The following SSH2 variants were observed in gnomAD, a reference collection of about 807,000 sequenced individuals.
SSH2 encodes the protein slingshot protein phosphatase 2, also known as protein phosphatase Slingshot homolog 2.
Under a neutral mutation model 135.2 loss-of-function variants are expected in SSH2, and 37 were observed. The observed-to-expected ratio is 0.27, with a 90% CI of 0.21 to 0.36. SSH2 has a LOEUF of 0.36. SSH2 is among the 10% of genes least tolerant of loss of function. SSH2 has a pLI of 1.00. For synonymous variants in SSH2, 628 were observed against 646.2 expected (o/e 0.97, Z 0.43); for missense variants, 1,408 against 1,765.3 (o/e 0.80, Z 3.63).
chr17:29,871,472 G>A (rs904748630), intron 1 of SSH2, among the ~76,000 whole-genome samples: 13 of 152,142 alleles, frequency 8.5e-5, no homozygotes, highest in African/African-American at 3.1e-4. Flanking sequence ...AATCTCTCAA[G>A]ACAACAAGAT....
chr17:29,649,695 A>G (rs374201321), intron 13 of SSH2, among the ~76,000 whole-genome samples: 1 of 152,200 alleles, frequency 6.6e-6, no homozygotes, highest in South Asian at 2.1e-4. Flanking sequence ...CTGAATGTTG[A>G]CAACATCTGC....
chr17:29,761,351 G>A, intron 3 of SSH2: 1 of 1,075,176 alleles, frequency 9.3e-7, no homozygotes, highest in Non-Finnish European at 1.1e-6. Context: ...GGCTGCGCGT[G>A]CACCCGGCGG....
chr17:29,801,194 A>T (rs1260481946), intron 2 of SSH2, among the ~76,000 whole-genome samples: 2 of 152,204 alleles, frequency 1.3e-5, no homozygotes, highest in African/African-American at 2.4e-5. Flanking sequence ...AGATTAATGC[A>T]TTCTTATTAA....
At chr17:29,781,890 A>C (rs1391171844) in intron 3 of SSH2, among the ~76,000 whole-genome samples, 1 of 150,292 alleles carries the variant, frequency 6.7e-6, no homozygotes, top group Non-Finnish European at 1.5e-5. Flanking sequence ...CCCAGGCTGG[A>C]GTACAGTGGC....
chr17:29,712,802 AAAAAC>A (rs993521473), intron 3 of SSH2, among the ~76,000 whole-genome samples: 2 of 152,074 alleles, frequency 1.3e-5, no homozygotes, highest in Admixed American at 6.5e-5. Context: ...AGACTGTCTC[AAAAAC>A]AAAACAAAAC....
chr17:29,895,189 A>T, intron 1 of SSH2, among the ~76,000 whole-genome samples: 1 of 144,710 alleles, frequency 6.9e-6, no homozygotes, highest in South Asian at 2.1e-4. Context: ...CATATATTTT[A>T]TATACATTAT....
At chr17:29,794,878 T>C (rs1224571838) in intron 2 of SSH2, among the ~76,000 whole-genome samples, 1 of 152,240 alleles carries the variant, frequency 6.6e-6, no homozygotes, top group Non-Finnish European at 1.5e-5. Flanking sequence ...GATATTATAC[T>C]GATCTTCACA....
chr17:29,690,788 A>T (rs1438962591), intron 5 of SSH2, among the ~76,000 whole-genome samples: 2 of 152,190 alleles, frequency 1.3e-5, no homozygotes, highest in Non-Finnish European at 2.9e-5. Flanking sequence ...TAGCCATTAA[A>T]AACCATGATT....
chr17:29,914,902 T>C (rs2066855155), intron 1 of SSH2, among the ~76,000 whole-genome samples: 1 of 152,148 alleles, frequency 6.6e-6, no homozygotes, highest in Non-Finnish European at 1.5e-5. Context: ...ACGAGAGAAA[T>C]ATATATTTGA....
intron 3 of SSH2, among the ~76,000 whole-genome samples, chr17:29,727,402 A>C (rs988481223): frequency 3.9e-5 from 6 of 152,184 alleles, no homozygotes; most frequent in African/African-American, 1.4e-4. Context: ...CTCTCAGCTA[A>C]ATTAAGTAAT....
intron 2 of SSH2, among the ~76,000 whole-genome samples, chr17:29,847,006 T>C (rs2043143107): frequency 6.6e-6 from 1 of 152,244 alleles, no homozygotes. Context: ...ATTCGGTTTA[T>C]ATAAACTCTA....
chr17:29,705,754 C>A (rs1297138512), intron 3 of SSH2, among the ~76,000 whole-genome samples: 1 of 152,120 alleles, frequency 6.6e-6, no homozygotes, highest in Non-Finnish European at 1.5e-5. Flanking sequence ...GTTTGAGGGA[C>A]TTTGTGCTTT....
At chr17:29,819,299 C>G (rs1455742843) in intron 2 of SSH2, among the ~76,000 whole-genome samples, 1 of 152,108 alleles carries the variant, frequency 6.6e-6, no homozygotes, top group Non-Finnish European at 1.5e-5. Context: ...TTTCCTTGAG[C>G]AACTAGCAGG....
At chr17:29,792,312 G>T (rs1175821527) in intron 3 of SSH2, among the ~76,000 whole-genome samples, 3 of 152,048 alleles carry the variant, frequency 2.0e-5, no homozygotes, top group Non-Finnish European at 4.4e-5. Flanking sequence ...TGGATATTGA[G>T]TCAATATATA....
intron 1 of SSH2, among the ~76,000 whole-genome samples, chr17:29,853,058 C>T (rs1178373212): frequency 1.3e-5 from 2 of 150,168 alleles, no homozygotes; most frequent in African/African-American, 4.9e-5. Context: ...GCTAGGAATA[C>T]AAAATGCAGC....
chr17:29,784,065 CAAAAAAAAAAAAAAA>C (rs71138857), intron 3 of SSH2, among the ~76,000 whole-genome samples: 1 of 8,230 alleles, frequency 1.2e-4, no homozygotes, highest in South Asian at 4.5e-3. Context: ...GACTCCGTCT[CAAAAAAAAAAAAAAA>C]AAAAAAAAAA....
At chr17:29,691,776 C>G (rs1239155405) in intron 5 of SSH2, among the ~76,000 whole-genome samples, 1 of 151,276 alleles carries the variant, frequency 6.6e-6, no homozygotes. Context: ...AGGCGTGAGC[C>G]ACTGTGCCCG....
At chr17:29,681,560 G>T (rs1391206849) in intron 6 of SSH2, among the ~76,000 whole-genome samples, 32 of 148,874 alleles carry the variant, frequency 2.1e-4, no homozygotes, top group Non-Finnish European at 7.4e-5. Flanking sequence ...GGTACAAAAA[G>T]AAATGGAAAA....
At chr17:29,666,670 G>A (rs919081708) in intron 11 of SSH2, among the ~76,000 whole-genome samples, 197 bp downstream of exon 11, 2 of 152,196 alleles carry the variant, frequency 1.3e-5, no homozygotes, top group African/African-American at 4.8e-5. Context: ...GCGACAGAGC[G>A]AGACTGTCAC....
Sources: allele counts gnomAD v4.1 joint callset (sites outside exome capture counted in the v4.1 genomes callset), GRCh38; gene constraint gnomAD v4.1.1; transcripts MANE v1.5; gene names NCBI Gene and HGNC (gene_info 2026-07-23, HGNC 2026-07-21).